Variants in XYLT1 observed in about 807,000 individuals in gnomAD.
The protein encoded by XYLT1 is xylosyltransferase 1.
In XYLT1, 36 loss-of-function variants were observed where a neutral mutation model predicts 91.3. The observed-to-expected ratio is 0.39, with a 90% confidence interval of 0.30 to 0.52. The LOEUF (loss-of-function observed/expected upper bound fraction) is 0.52, where lower values mean the gene tolerates loss of function less well. Ranked by LOEUF, XYLT1 falls within the 20% of genes least tolerant of loss-of-function variation. The pLI is 0.68. For synonymous variants in XYLT1, 588 were observed against 532.0 expected (o/e 1.11, Z -1.45); for missense variants, 1,242 against 1,284.5 (o/e 0.97, Z 0.51).
At chr16:17,404,981 G>C (rs1361132832) in intron 1 of XYLT1, among the ~76,000 whole-genome samples, 1 of 152,154 alleles carries the variant, frequency 6.6e-6, no homozygotes, top group Non-Finnish European at 1.5e-5. Context: ...TTGTAATATT[G>C]CCACACACAA....
At chr16:17,361,439 C>T (rs1331818602) in intron 1 of XYLT1, among the ~76,000 whole-genome samples, 1 of 152,232 alleles carries the variant, frequency 6.6e-6, no homozygotes, top group Non-Finnish European at 1.5e-5. Context: ...ACTTTCTAAA[C>T]ACTGACCTCG....
chr16:17,117,000 A>C (rs1966853648), intron 11 of XYLT1, among the ~76,000 whole-genome samples: 1 of 151,990 alleles, frequency 6.6e-6, no homozygotes, highest in South Asian at 2.1e-4. Context: ...GTAAAGAGCC[A>C]GATAGTATCT....
intron 2 of XYLT1, among the ~76,000 whole-genome samples, chr16:17,298,835 C>G (rs1002915056): frequency 6.6e-6 from 1 of 152,150 alleles, no homozygotes; most frequent in Non-Finnish European, 1.5e-5. Context: ...ACTCCTCAAG[C>G]AACTTGTCAG....
chr16:17,450,362 CA>C (rs1195577105), intron 1 of XYLT1, among the ~76,000 whole-genome samples: 3,298 of 145,350 alleles, frequency 0.023, 79 homozygotes, highest in African/African-American at 0.057. Context: ...AACAAACAAA[CA>C]AAAAAAAAAA....
intron 2 of XYLT1, among the ~76,000 whole-genome samples, chr16:17,285,939 T>TGAGAGAGAGA (rs759536733): frequency 8.3e-6 from 1 of 120,216 alleles, no homozygotes; most frequent in Admixed American, 8.3e-5. Context: ...TGTGAGTGAG[T>TGAGAGAGAGA]GAGAGAGAGA....
chr16:17,434,598 T>C (rs1167488954), intron 1 of XYLT1, among the ~76,000 whole-genome samples: 1 of 152,234 alleles, frequency 6.6e-6, no homozygotes, highest in Non-Finnish European at 1.5e-5. Flanking sequence ...GGCTCATGCC[T>C]GTAATCCCAA....
chr16:17,358,711 C>G (rs985809571), intron 1 of XYLT1, among the ~76,000 whole-genome samples: 2 of 152,096 alleles, frequency 1.3e-5, no homozygotes, highest in Admixed American at 6.5e-5. Flanking sequence ...TATCCAAACC[C>G]TCTATAAGGA....
At chr16:17,343,853 C>T (rs1432956873) in intron 2 of XYLT1, among the ~76,000 whole-genome samples, 1 of 152,180 alleles carries the variant, frequency 6.6e-6, no homozygotes, top group African/African-American at 2.4e-5. Context: ...TTGGCACATG[C>T]TATCTTGTTT....
At chr16:17,182,496 G>A (rs1469160807) in intron 5 of XYLT1, among the ~76,000 whole-genome samples, 2 of 152,118 alleles carry the variant, frequency 1.3e-5, no homozygotes, top group Non-Finnish European at 2.9e-5. Context: ...CTATCTCCAA[G>A]TACAAGGGTT....
chr16:17,196,686 C>G (rs981558082), intron 5 of XYLT1, among the ~76,000 whole-genome samples: 2 of 150,846 alleles, frequency 1.3e-5, no homozygotes, highest in Non-Finnish European at 2.9e-5. Context: ...GGAGGAAGAT[C>G]CCCCTCTTCA....
intron 2 of XYLT1, among the ~76,000 whole-genome samples, chr16:17,349,074 G>A (rs1008602071): frequency 3.3e-5 from 5 of 152,206 alleles, no homozygotes; most frequent in South Asian, 2.1e-4. Flanking sequence ...TGCGTGTGCT[G>A]GAAGGGAAAT....
At chr16:17,252,495 C>A (rs1025583120) in intron 3 of XYLT1, among the ~76,000 whole-genome samples, 1 of 152,186 alleles carries the variant, frequency 6.6e-6, no homozygotes. Flanking sequence ...CCCTTCCCCA[C>A]ACCTCACTGC....
At chr16:17,206,122 AT>A (rs2032639022) in intron 3 of XYLT1, among the ~76,000 whole-genome samples, 1 of 152,122 alleles carries the variant, frequency 6.6e-6, no homozygotes, top group African/African-American at 2.4e-5. Flanking sequence ...TCAGTTCTTC[AT>A]TTACAAAGTG....
At chr16:17,338,298 C>T (rs868152677) in intron 2 of XYLT1, 4 of 456,456 alleles carry the variant, frequency 8.8e-6, no homozygotes, top group South Asian at 4.6e-5. Context: ...CAGTGGCTCC[C>T]CATTACCTAC....
chr16:17,423,097 C>A (rs2036269047), intron 1 of XYLT1, among the ~76,000 whole-genome samples: 1 of 151,770 alleles, frequency 6.6e-6, no homozygotes, highest in East Asian at 1.9e-4. Context: ...ATGTGATTAT[C>A]GTTGCCAGAG....
At chr16:17,413,419 C>T (rs2036137712) in intron 1 of XYLT1, among the ~76,000 whole-genome samples, 1 of 150,300 alleles carries the variant, frequency 6.7e-6, no homozygotes, top group South Asian at 2.1e-4. Context: ...AGTTCAACTA[C>T]ACTTTCTTAT....
intron 2 of XYLT1, among the ~76,000 whole-genome samples, chr16:17,321,080 C>T (rs2034711397): frequency 6.6e-6 from 1 of 152,002 alleles, no homozygotes; most frequent in Non-Finnish European, 1.5e-5. Context: ...AACTCTGAGG[C>T]CCATTGGAAT....
At chr16:17,229,440 C>T (rs930637848) in intron 3 of XYLT1, among the ~76,000 whole-genome samples, 1 of 152,152 alleles carries the variant, frequency 6.6e-6, no homozygotes. Flanking sequence ...TATCAGACCA[C>T]GAGGAAACTA....
At chr16:17,440,380 TG>T (rs2036518011) in intron 1 of XYLT1, among the ~76,000 whole-genome samples, 1 of 152,178 alleles carries the variant, frequency 6.6e-6, no homozygotes, top group African/African-American at 2.4e-5. Context: ...AAACAATAAG[TG>T]GTAAGTATCA....
Sources: gnomAD v4.1 joint callset for allele counts (sites outside exome capture counted in the v4.1 genomes callset) on GRCh38, gnomAD v4.1.1 for gene constraint, MANE v1.5 for transcripts, NCBI Gene and HGNC (gene_info 2026-07-23, HGNC 2026-07-21) for gene names.